Variants in ADAMTS12 observed in about 807,000 individuals in gnomAD.
The protein encoded by ADAMTS12 is ADAM metallopeptidase with thrombospondin type 1 motif 12.
A neutral mutation model predicts 167.8 loss-of-function variants in ADAMTS12; 118 were observed. The observed-to-expected ratio is 0.70, with a 90% CI of 0.61 to 0.82. The LOEUF (loss-of-function observed/expected upper bound fraction) is 0.82, where lower values mean the gene tolerates loss of function less well. Among genes scored for constraint, ADAMTS12 ranks in the 40% least tolerant of loss-of-function variants. The pLI, the probability that ADAMTS12 is intolerant of heterozygous loss-of-function variation, is 0.00. For synonymous variants in ADAMTS12, 704 were observed against 716.9 expected (o/e 0.98, Z 0.29); for missense variants, 1,916 against 1,998.8 (o/e 0.96, Z 0.79).
At chr5:33,536,608 T>A (rs1744422902) in intron 22 of ADAMTS12, among the ~76,000 whole-genome samples, 3 of 150,580 alleles carry the variant, frequency 2.0e-5, no homozygotes, top group Admixed American at 6.6e-5. Flanking sequence ...TCATAGAGGT[T>A]ACGAGTGATT....
intron 17 of ADAMTS12, among the ~76,000 whole-genome samples, chr5:33,590,492 T>G: frequency 6.6e-6 from 1 of 152,158 alleles, no homozygotes; most frequent in East Asian, 1.9e-4. Flanking sequence ...CTCTCACTCT[T>G]CTGTATGAGG....
chr5:33,859,926 G>A (rs2961905), intron 2 of ADAMTS12, among the ~76,000 whole-genome samples: 4,531 of 152,288 alleles, frequency 0.03, 188 homozygotes, highest in East Asian at 0.2. Flanking sequence ...GGGCCTGACT[G>A]TTGGAAGGAA....
At chr5:33,814,641 G>C (rs1011654651) in intron 2 of ADAMTS12, among the ~76,000 whole-genome samples, 3 of 151,752 alleles carry the variant, frequency 2.0e-5, no homozygotes, top group African/African-American at 7.3e-5. Context: ...ATGAGTAGAG[G>C]GGAAGCCCAG....
intron 6 of ADAMTS12, among the ~76,000 whole-genome samples, chr5:33,661,377 G>A (rs780540899): frequency 1.1e-4 from 17 of 152,156 alleles, no homozygotes; most frequent in Non-Finnish European, 2.1e-4. Flanking sequence ...ATTGTGATTA[G>A]AACAAAATGA....
chr5:33,798,283 A>G (rs538259906), intron 2 of ADAMTS12, among the ~76,000 whole-genome samples: 16 of 151,708 alleles, frequency 1.1e-4, no homozygotes, highest in African/African-American at 3.9e-4. Context: ...ACAGAAATTT[A>G]TTTTTCACAT....
chr5:33,803,776 C>G (rs1183269322), intron 2 of ADAMTS12, among the ~76,000 whole-genome samples: 1 of 152,154 alleles, frequency 6.6e-6, no homozygotes, highest in African/African-American at 2.4e-5. Flanking sequence ...TGCAGGGGAA[C>G]TGCCCTTTTA....
Position 33,576,272 on chromosome 5 carries a change from C to A in ADAMTS12, c.3754G>T (p.Gly1252Ter), listed in dbSNP as rs762255827. 6.2e-7 allele frequency: 1 copy of A among 1,614,152 alleles called. No homozygotes were observed. The highest frequency in any genetic ancestry group is 1.7e-5 in the Admixed American group (1 of 60,014). ...GAGGGTTCTGGCTGGTGGTCTCCTC[C>A]CAGAGGGAGCAGAGTGTTGGCTGGC... The part of the protein sequence containing the change: ...EKPANTLLPL[G>*]GDHQPEPSGK... Residue 1252 changes from glycine (G) to a stop codon, truncating the protein, a stop_gained, in exon 19 of 24, where the codon GGA becomes TGA. Transcript: ENST00000504830. LOFTEE classifies it high-confidence loss of function.
At chr5:33,796,950 TAG>T (rs1579944212) in intron 2 of ADAMTS12, among the ~76,000 whole-genome samples, 1 of 152,190 alleles carries the variant, frequency 6.6e-6, no homozygotes, top group Admixed American at 6.5e-5. Context: ...TGTTGATGGA[TAG>T]AGACTCCTTC....
intron 6 of ADAMTS12, among the ~76,000 whole-genome samples, chr5:33,659,279 C>T (rs1352177541): frequency 6.6e-6 from 1 of 152,190 alleles, no homozygotes; most frequent in African/African-American, 2.4e-5. Context: ...TCAGCACATG[C>T]ACCACAAACT....
chr5:33,606,227 C>T (rs1738433685), intron 16 of ADAMTS12, among the ~76,000 whole-genome samples: 1 of 152,194 alleles, frequency 6.6e-6, no homozygotes, highest in African/African-American at 2.4e-5. Flanking sequence ...GGATTACAGG[C>T]GTGAGCCACT....
chr5:33,818,832 A>G (rs960031380), intron 2 of ADAMTS12, among the ~76,000 whole-genome samples: 3 of 152,088 alleles, frequency 2.0e-5, no homozygotes, highest in African/African-American at 7.2e-5. Flanking sequence ...TTCCTTGATG[A>G]TTAGTGATGT....
intron 16 of ADAMTS12, among the ~76,000 whole-genome samples, chr5:33,602,775 A>G (rs1738252315): frequency 6.6e-6 from 1 of 152,222 alleles, no homozygotes; most frequent in Non-Finnish European, 1.5e-5. Context: ...ACTATTGGAT[A>G]AATCCTGTAG....
At chr5:33,617,904 T>C (rs1466551429) in intron 14 of ADAMTS12, among the ~76,000 whole-genome samples, 1 of 152,226 alleles carries the variant, frequency 6.6e-6, no homozygotes, top group Non-Finnish European at 1.5e-5. Flanking sequence ...ATATTTAACT[T>C]ACTGCTTCTG....
At chr5:33,736,960 C>T (rs1744396878) in intron 3 of ADAMTS12, among the ~76,000 whole-genome samples, 1 of 152,196 alleles carries the variant, frequency 6.6e-6, no homozygotes, top group African/African-American at 2.4e-5. Context: ...ACTGTAAAAG[C>T]ATCCTCCATC....
At chr5:33,676,368 A>G (rs1741901290) in intron 5 of ADAMTS12, among the ~76,000 whole-genome samples, 1 of 152,160 alleles carries the variant, frequency 6.6e-6, no homozygotes, top group Admixed American at 6.5e-5. Flanking sequence ...TACGCTACTG[A>G]AAGAAAGAGG....
rs1231101840 is a variant in ADAMTS12, at chr5:33,576,648, A to G, written c.3378T>C (p.Gly1126=). 2 of 1,614,116 alleles carry G rather than the reference A, an allele frequency of 1.2e-6. No individual in the cohort carries two copies. Among genetic ancestry groups the G allele is most frequent in the Non-Finnish European group, 1.7e-6 (2 of 1,180,042 alleles). The change falls in exon 19 of 24, where the codon GGT becomes GGC. Residue 1126 remains glycine, a synonymous_variant. Coordinates refer to ENST00000504830, the MANE Select transcript of ADAMTS12 (RefSeq NM_030955.4). ...EGGLVATTTS[G]SGLSSSRNPI... ...GGTTGCGGGAAGATGACAAGCCAGA[A>G]CCACTTGTTGTTGTAGCTACAAGGC...
At chr5:33,528,714 T>C (rs1743941641) in intron 23 of ADAMTS12, among the ~76,000 whole-genome samples, 1 of 152,206 alleles carries the variant, frequency 6.6e-6, no homozygotes. Context: ...TCAATCATAC[T>C]ATTCAGAGTG....
At chr5:33,573,281 C>G (rs1274358238) in intron 19 of ADAMTS12, among the ~76,000 whole-genome samples, 1 of 152,126 alleles carries the variant, frequency 6.6e-6, no homozygotes, top group Non-Finnish European at 1.5e-5. Flanking sequence ...AAAAAGAGCC[C>G]ACATCACCAA....
intron 19 of ADAMTS12, among the ~76,000 whole-genome samples, chr5:33,575,539 T>G (rs1426621060): frequency 6.6e-6 from 1 of 152,214 alleles, no homozygotes; most frequent in Non-Finnish European, 1.5e-5. Flanking sequence ...ACATTTGTTC[T>G]CCTTCCCTAT....
Sources: allele counts gnomAD v4.1 joint callset (sites outside exome capture counted in the v4.1 genomes callset), GRCh38; gene constraint gnomAD v4.1.1; transcripts MANE v1.5; gene names NCBI Gene and HGNC (gene_info 2026-07-23, HGNC 2026-07-21).